Variants in SNRNP200 observed in about 807,000 individuals in gnomAD.
SNRNP200 encodes U5 small nuclear ribonucleoprotein 200 kDa helicase.
SNRNP200 carries 66 observed loss-of-function variants against 255.2 expected under a neutral mutation model. The observed-to-expected ratio is 0.26, with a 90% CI of 0.21 to 0.32. The LOEUF is 0.32. SNRNP200 is among the 10% of genes least tolerant of loss of function. The pLI is 1.00. For synonymous variants in SNRNP200, 939 were observed against 1,027.8 expected, an observed-to-expected ratio of 0.91 and a Z score of 1.65; for missense variants, 1,585 against 2,749.8, an observed-to-expected ratio of 0.58 and a Z score of 9.47.
chr2:96,279,759 G>C (rs1056531381), intron 35 of SNRNP200, 200 bp from the exon 36 acceptor site: 2 of 568,806 alleles, frequency 3.5e-6, no homozygotes, highest in Non-Finnish European at 6.4e-6. Context: ...AGTATTCAGT[G>C]TAAGGGCCAT....
chr2:96,288,911 G>T, intron 23 of SNRNP200, 126 bp downstream of exon 23: 1 of 1,062,928 alleles, frequency 9.4e-7, no homozygotes, highest in Non-Finnish European at 1.4e-6. Flanking sequence ...ATGCGAGAAG[G>T]CTGCAAAAAC....
intron 30 of SNRNP200, 63 bp from the exon 31 acceptor site, chr2:96,284,648 G>A (rs2063831672): frequency 7.6e-6 from 9 of 1,184,332 alleles, no homozygotes; most frequent in Non-Finnish European, 1.1e-5. Flanking sequence ...TCACTTATGT[G>A]AGGAAAACCT....
In SNRNP200 at chr2:96,278,288, T is replaced by C; in HGVS notation, c.5559A>G (p.Ala1853=). The C allele has an allele frequency of 1.2e-6, 2 of 1,614,224 alleles. No homozygotes were observed. Residue 1853 remains alanine, a synonymous_variant, in exon 39 of 45, where the codon GCA becomes GCG. Transcript: ENST00000323853. The surrounding 1 kb of genome is among the most constrained non-coding windows in gnomAD (Gnocchi z 6.9). The stretch of plus-strand genomic sequence containing the variant: ...GCCGGATGGGAATGTTCTCATACTC[T>C]GCTGCATTGGAGATGATCTCGATAA... ...RGLIEIISNA[A]EYENIPIRHH...
At position 96,278,941 on chromosome 2, in the gene SNRNP200, A is replaced by G; in HGVS notation, c.5191T>C (p.Cys1731Arg). The G allele has an allele frequency of 6.2e-7, 1 of 1,614,170 alleles. No homozygotes were observed. The highest frequency in any genetic ancestry group is 8.5e-7 in the Non-Finnish European group (1 of 1,180,002). The change falls in exon 37 of 45, where the codon TGT becomes CGT. Residue 1731 changes from cysteine (C) to arginine (R), a missense_variant. Transcript: ENST00000323853. The surrounding 1 kb of genome is among the most constrained non-coding windows in gnomAD (Gnocchi z 6.9). ...TCAGCATTGAAGTGGTCATGCATAC[A>G]GTGGTCCAGGTGAGATTCTACTGGC... ...PLPVESHLDH[C>R]MHDHFNAEIV... is the part of the protein sequence containing the mutation.
chr2:96,300,914 A>T, intron 5 of SNRNP200, 84 bp downstream of exon 5: 1 of 1,130,602 alleles, frequency 8.8e-7, no homozygotes, highest in Non-Finnish European at 1.4e-6. Flanking sequence ...GGTTTAAACT[A>T]GAGAGCTTGT....
chr2:96,284,393 C>T lies in SNRNP200; in HGVS notation c.4357G>A (p.Val1453Met), dbSNP rs1346199157. 8.1e-6 allele frequency: 13 copies of T among 1,614,172 alleles called. No homozygotes were observed. Among genetic ancestry groups the T allele is most frequent in the Non-Finnish European group, 1.1e-5 (13 of 1,180,036 alleles). Reference sequence around the variant, plus strand: ...CCCCCGATAAGGTGGACCTCATCCACCACGAAGAGGTTGATGTTCTGCACG... The same window carrying T: ...CCCCCGATAAGGTGGACCTCATCCATCACGAAGAGGTTGATGTTCTGCACG... Reference protein sequence around the residue: ...KNVQNINLFVVDEVHLIGGEN... With the variant: ...KNVQNINLFVMDEVHLIGGEN... The change falls in exon 31 of 45, where the codon GTG becomes ATG. Residue 1453 changes from valine (V) to methionine (M), a missense_variant. Transcript: ENST00000323853.
In SNRNP200 at chr2:96,289,093, A is replaced by G; in HGVS notation, c.3118T>C (p.Leu1040=). 1.2e-6 allele frequency: 2 copies of G among 1,613,538 alleles called. No individual in the cohort carries two copies. The highest frequency in any genetic ancestry group is 1.7e-6 in the Non-Finnish European group (2 of 1,179,798). The change falls in exon 23 of 45, where the codon TTG becomes CTG. Residue 1040 remains leucine (L), a synonymous_variant. Transcript: ENST00000323853. Reference sequence around the variant, plus strand: ...ACAGGGATAGGCACCCTCTCCAGCAACTTCTGCAGCTCCAGCTTCTCCTCC... The same window carrying G: ...ACAGGGATAGGCACCCTCTCCAGCAGCTTCTGCAGCTCCAGCTTCTCCTCC... ...REEEKLELQK[L]LERVPIPVKE...
chr2:96,305,432 C>T lies in SNRNP200; in HGVS notation c.6G>A (p.Ala2=), dbSNP rs149919257. 46 of 1,614,180 alleles carry T rather than the reference C, an allele frequency of 2.8e-5. No individual in the cohort carries two copies. Among genetic ancestry groups the T allele is most frequent in the African/African-American group, 2.7e-4 (20 of 75,062 alleles). ...ATTGCAGACTACGGGCGGTTACATC[C>T]GCCATGGCCGCGGCTGCTCGGAGGC... M[A]DVTARSLQYE... The change falls in exon 1 of 45, where the codon GCG becomes GCA. Residue 2 remains alanine, a synonymous_variant. Coordinates refer to ENST00000323853, the MANE Select transcript of SNRNP200 (RefSeq NM_014014.5).
rs1052097137 is a variant in SNRNP200 at position 96,278,184 on chromosome 2, A to C, written c.5610+53T>G. 6 of 1,613,612 alleles carry C rather than the reference A, an allele frequency of 3.7e-6. No homozygotes were observed. The African/African-American group carries it at 8.0e-5, about 22-fold the overall frequency. On this transcript the variant is annotated intron_variant, in intron 39 of 44. Coordinates refer to ENST00000323853, the MANE Select transcript of SNRNP200 (RefSeq NM_014014.5). This position sits in a 1 kb window ranked among gnomAD's most constrained non-coding sequence, Gnocchi z 6.9. ...CAGGGATGCCATGTGCTCTGGGCAC[A>C]CAGGCCGAGTTTGTTGTTCCCAGGA... is the stretch of plus-strand genomic sequence containing the variant.
Position 96,285,249 on chromosome 2 carries a change from C to T in SNRNP200, c.4095G>A (p.Leu1365=), listed in dbSNP as rs1463461835. The T allele has an allele frequency of 6.2e-7, 1 of 1,614,082 alleles. No homozygotes were observed. Among genetic ancestry groups the T allele is most frequent in the Admixed American group, 1.7e-5 (1 of 60,016 alleles). ...CCTCCGAGCTCTGCAGCAGCATTCG[C>T]AGGATGGCAAACTCTGCACAAATAG... ...GKTICAEFAI[L]RMLLQSSEGR... Residue 1365 remains leucine (L), a synonymous_variant, in exon 30 of 45, where the codon CTG becomes CTA. Transcript: ENST00000323853.
chr2:96,303,482 T>G, intron 2 of SNRNP200, 152 bp from the exon 3 acceptor site: 1 of 957,046 alleles, frequency 1.0e-6, no homozygotes, highest in Non-Finnish European at 1.7e-6. Context: ...CCGTTTGGCC[T>G]TAATCACTTG....
At position 96,283,160 on chromosome 2, in the gene SNRNP200, G is replaced by C; in HGVS notation, c.4915+41C>G. On this transcript the variant is annotated intron_variant, in intron 34 of 44. Coordinates refer to ENST00000323853, the MANE Select transcript of SNRNP200 (RefSeq NM_014014.5). This position sits in a 1 kb window ranked among gnomAD's most constrained non-coding sequence, Gnocchi z 4.7. Reference sequence around the variant, plus strand: ...CCCTCAAGTTTAACACCACCACTTGGTGATACCCTTGCTATGCTCCCCTTC... The same window carrying C: ...CCCTCAAGTTTAACACCACCACTTGCTGATACCCTTGCTATGCTCCCCTTC... The C allele has an allele frequency of 6.2e-7, 1 of 1,611,946 alleles. No homozygotes were observed. Among genetic ancestry groups the C allele is most frequent in the Non-Finnish European group, 8.5e-7 (1 of 1,179,796 alleles).
rs1684705376 is a variant in SNRNP200 at position 96,278,450 on chromosome 2, C to A, written c.5489-92G>T. The A allele has an allele frequency of 4.3e-6, 7 of 1,611,394 alleles. No homozygotes were observed. The highest frequency in any genetic ancestry group is 5.9e-6 in the Non-Finnish European group (7 of 1,179,572). On this transcript the variant is annotated intron_variant, in intron 38 of 44. Coordinates refer to ENST00000323853, the MANE Select transcript of SNRNP200 (RefSeq NM_014014.5). The surrounding 1 kb of genome is among the most constrained non-coding windows in gnomAD (Gnocchi z 6.9). The stretch of plus-strand genomic sequence containing the variant: ...CCCCTGCTGTCCCCTGCAGTGTCAT[C>A]CCGCTGACAAACACGGGCGCACCTC...
rs1166597679 is a variant in SNRNP200, at chr2:96,287,398, C to G, written c.3484+41G>C. The G allele has an allele frequency of 4.2e-6, 6 of 1,438,412 alleles. No homozygotes were observed. Among genetic ancestry groups the G allele is most frequent in the Non-Finnish European group, 4.9e-6 (5 of 1,019,786 alleles). 89.1% of individuals were successfully genotyped at this position (1,438,412 alleles called of 1,614,324 possible). The stretch of plus-strand genomic sequence containing the variant: ...GACTACATAGGCAAACTGGGAGAGA[C>G]ACCCAGGCAGTGAGGACAAGGGCGA... On this transcript the variant is annotated intron_variant, in intron 26 of 44. Transcript: ENST00000323853. This position sits in a 1 kb window ranked among gnomAD's most constrained non-coding sequence, Gnocchi z 5.7.
At position 96,281,926 on chromosome 2, in the gene SNRNP200, A is replaced by T. The variant is rs1443449038; in HGVS notation, c.4916-4T>A. 1 of 1,612,776 alleles carries T rather than the reference A, an allele frequency of 6.2e-7. No homozygotes were observed. On this transcript the variant is annotated splice_polypyrimidine_tract_variant and splice_region_variant and intron_variant, in intron 34 of 44. Coordinates refer to ENST00000323853, the MANE Select transcript of SNRNP200 (RefSeq NM_014014.5). Reference sequence around the variant, plus strand: ...GCCACCACCACCTGGATAGCCCCTGAGCAGTAGAGGGGAGAGGAAGGCTGA... The same window carrying T: ...GCCACCACCACCTGGATAGCCCCTGTGCAGTAGAGGGGAGAGGAAGGCTGA...
chr2:96,283,131 G>A lies in SNRNP200; in HGVS notation c.4915+70C>T, dbSNP rs770231896. On this transcript the variant is annotated intron_variant, in intron 34 of 44. Transcript: ENST00000323853. The surrounding 1 kb of genome is among the most constrained non-coding windows in gnomAD (Gnocchi z 4.7). ...TGCTGTAGAGAAAACACTGCCACCC[G>A]CACCCCTCAAGTTTAACACCACCAC... 1.1e-4 allele frequency: 167 copies of A among 1,581,438 alleles called. No homozygotes were observed. The highest frequency in any genetic ancestry group is 3.4e-4 in the Middle Eastern group (2 of 5,844).
intron 15 of SNRNP200, 86 bp from the exon 16 acceptor site, chr2:96,293,181 A>G: frequency 1.3e-6 from 2 of 1,589,620 alleles, no homozygotes; most frequent in Non-Finnish European, 1.7e-6. Flanking sequence ...CAAGAGCAAT[A>G]TTCCTCCTTT....
chr2:96,276,106 G>A (rs567795514), intron 43 of SNRNP200, among the ~76,000 whole-genome samples: 7 of 152,374 alleles, frequency 4.6e-5, no homozygotes, highest in Admixed American at 2.0e-4. Context: ...TCACAAAGAC[G>A]AAGAGTCCCA....
intron 4 of SNRNP200, 72 bp from the exon 5 acceptor site, chr2:96,301,125 C>T: frequency 8.1e-7 from 1 of 1,234,798 alleles, no homozygotes; most frequent in Non-Finnish European, 1.2e-6. Flanking sequence ...GAGCCAATGT[C>T]CTCCCCGACT....
Sources: gnomAD v4.1 joint callset for allele counts (sites outside exome capture counted in the v4.1 genomes callset) on GRCh38, gnomAD v4.1.1 for gene constraint, Gnocchi (gnomAD v3.1) non-coding constraint, MANE v1.5 for transcripts, NCBI Gene and HGNC (gene_info 2026-07-23, HGNC 2026-07-21) for gene names.